SLC25A41: variants seen among roughly 807,000 people sequenced by gnomAD.
SLC25A41 encodes the protein solute carrier family 25 member 41.
A neutral mutation model predicts 34.7 loss-of-function variants in SLC25A41; 35 were observed. The observed-to-expected ratio is 1.01, with a 90% CI of 0.77 to 1.34. SLC25A41 has a LOEUF of 1.34. SLC25A41 is among the 40% of genes most tolerant of loss of function. The probability of loss-of-function intolerance (pLI) is 0.00; values close to 1 mark genes in which losing one functional copy is unlikely to be tolerated. For missense variants in SLC25A41, 492 were observed against 489.8 expected, an observed-to-expected ratio of 1.00 and a Z score of -0.04; for synonymous variants, 190 against 209.9, an observed-to-expected ratio of 0.91 and a Z score of 0.82.
chr19:6,435,755 G>T (rs189222756), upstream of SLC25A41, among the ~76,000 whole-genome samples: 214 of 152,274 alleles, frequency 1.4e-3, 1 homozygote, highest in African/African-American at 4.7e-3. Flanking sequence ...TACTTGGGAG[G>T]CTGAAGGGGG....
chr19:6,429,133 T>TGATATATATATG lies in SLC25A41; in HGVS notation c.624+590_624+591insCATATATATATC, dbSNP rs1568349764. On this transcript the variant is annotated intron_variant, in intron 4 of 6. Transcript: ENST00000321510. ...TAATATATATATTATATATATGTTATATATATATATAATATATATATTATA... is the reference window on the plus strand; with the variant it reads ...TAATATATATATTATATATATGTTATGATATATATATGATATATATATAATATATATATTATA... 1.4e-3 allele frequency among the ~76,000 whole-genome samples: 12 copies of TGATATATATATG among 8,786 alleles called. 2 individuals are homozygous for TGATATATATATG. Among genetic ancestry groups the TGATATATATATG allele is most frequent in the Admixed American group, 2.3e-3 (1 of 428 alleles). The allele number at this position is 8,786 out of a possible 152,430, so 5.8% of individuals were successfully genotyped here.
intron 4 of SLC25A41, 56 bp downstream of exon 4, chr19:6,429,668 C>A: frequency 7.6e-7 from 1 of 1,319,168 alleles, no homozygotes; most frequent in South Asian, 1.4e-5. Context: ...GCCCCAGCAA[C>A]GTGGGTAACT....
chr19:6,433,392 A>G, intron 1 of SLC25A41, 95 bp downstream of exon 1: 1 of 1,258,414 alleles, frequency 7.9e-7, no homozygotes, highest in Middle Eastern at 2.6e-4. Context: ...TAGGTCCGCT[A>G]GCAGGGGAGT....
At chr19:6,430,499 T>A (rs748445524) in intron 2 of SLC25A41, 4 of 449,126 alleles carry the variant, frequency 8.9e-6, no homozygotes, top group Non-Finnish European at 4.2e-6. Flanking sequence ...CTTCTTTTTT[T>A]TTTTTTTTGA....
chr19:6,429,532 G>GGGGAGGAGGA (rs2092274453), intron 4 of SLC25A41, among the ~76,000 whole-genome samples, 192 bp downstream of exon 4: 3 of 125,694 alleles, frequency 2.4e-5, no homozygotes, highest in African/African-American at 5.8e-5. Flanking sequence ...GGAGAAAGGA[G>GGGGAGGAGGA]GAGGAAAGAG....
At position 6,432,037 on chromosome 19, in the gene SLC25A41, A is replaced by G; in HGVS notation, c.363+12T>C. The G allele has an allele frequency of 1.2e-6, 2 of 1,604,794 alleles. No individual in the cohort carries two copies. The highest frequency in any genetic ancestry group is 1.7e-6 in the Non-Finnish European group (2 of 1,175,102). On this transcript the variant is annotated intron_variant, in intron 2 of 6. Coordinates refer to ENST00000321510, the MANE Select transcript of SLC25A41 (RefSeq NM_173637.4). The stretch of plus-strand genomic sequence containing the variant: ...AGCGCTGGGTCCCGTCCTCCCCCCA[A>G]CCCACACAAACCTGCATGTACACCT...
chr19:6,431,021 G>A (rs2092283468), intron 2 of SLC25A41, among the ~76,000 whole-genome samples: 1 of 151,896 alleles, frequency 6.6e-6, no homozygotes, highest in Non-Finnish European at 1.5e-5. Context: ...TTACTATGTT[G>A]CCCAGGCTGG....
At chr19:6,430,958 TG>T (rs912084530) in intron 2 of SLC25A41, among the ~76,000 whole-genome samples, 5 of 151,116 alleles carry the variant, frequency 3.3e-5, no homozygotes, top group African/African-American at 1.2e-4. Flanking sequence ...GGACTACAGG[TG>T]CGTGCTACCA....
chr19:6,436,257 T>A, upstream of SLC25A41: 1 of 343,696 alleles, frequency 2.9e-6, no homozygotes, highest in Non-Finnish European at 6.0e-6. Context: ...TATAAGAGTC[T>A]AAGATTCAGG....
Position 6,432,153 on chromosome 19 carries a change from C to A in SLC25A41, c.259G>T (p.Asp87Tyr), listed in dbSNP as rs370238458. 5 of 1,613,948 alleles carry A rather than the reference C, an allele frequency of 3.1e-6. No homozygotes were observed. Among genetic ancestry groups the A allele is most frequent in the Admixed American group, 1.7e-5 (1 of 59,992 alleles). Residue 87 changes from aspartate (D) to tyrosine (Y), a missense_variant, in exon 2 of 7, where the codon GAT becomes TAT. By Grantham distance (160) the Asp-to-Tyr change is radical (BLOSUM62 -3). Coordinates refer to ENST00000321510, the MANE Select transcript of SLC25A41 (RefSeq NM_173637.4). ...LMVPVEVLEV[D>Y]NKEALWKFLL... ...AACTTCCACAAGGCCTCCTTGTTATCCACTTCCAGGACTTCCACGGGGACC... is the reference window on the plus strand; with the variant it reads ...AACTTCCACAAGGCCTCCTTGTTATACACTTCCAGGACTTCCACGGGGACC...
chr19:6,435,002 C>G (rs1394514340), upstream of SLC25A41, among the ~76,000 whole-genome samples: 1 of 151,898 alleles, frequency 6.6e-6, no homozygotes, highest in Non-Finnish European at 1.5e-5. Flanking sequence ...GCAGGTGGAT[C>G]ACTTGAGCCC....
At chr19:6,428,141 G>A (rs1599253867) in intron 4 of SLC25A41, among the ~76,000 whole-genome samples, 1 of 152,200 alleles carries the variant, frequency 6.6e-6, no homozygotes, top group South Asian at 2.1e-4. Context: ...CCTAGGTCGG[G>A]TGCGGTAGCT....
In SLC25A41 at chr19:6,429,038, TAA is replaced by T. The variant is rs1568349310; in HGVS notation, c.624+684_624+685del. Among the ~76,000 whole-genome samples, 240 of 34,940 alleles carry T rather than the reference TAA, an allele frequency of 6.9e-3. 59 individuals carry two copies. The highest frequency in any genetic ancestry group is 0.041 in the African/African-American group (216 of 5,232). 22.9% of individuals were successfully genotyped at this position (34,940 alleles called of 152,430 possible). On this transcript the variant is annotated intron_variant, in intron 4 of 6. Transcript: ENST00000321510. ...GCCTGAAAATTTATATATATATATA[TAA>T]TATATATATTATATATATGTTATAT...
chr19:6,429,684 C>A, intron 4 of SLC25A41, 40 bp downstream of exon 4: 1 of 1,472,304 alleles, frequency 6.8e-7, no homozygotes, highest in Non-Finnish European at 9.2e-7. Context: ...TAACTAGTTT[C>A]CACGGCGTTT....
chr19:6,436,042 CCAAA>C (rs752203336), upstream of SLC25A41: 157 of 161,374 alleles, frequency 9.7e-4, no homozygotes, highest in East Asian at 0.016. Context: ...AAAACCGAAA[CCAAA>C]CAAACAAACA....
chr19:6,432,667 T>C (rs2092291235), intron 1 of SLC25A41, among the ~76,000 whole-genome samples: 1 of 151,144 alleles, frequency 6.6e-6, no homozygotes, highest in Admixed American at 6.6e-5. Flanking sequence ...CTTGGCTCAC[T>C]GCAACCGCTG....
upstream of SLC25A41, chr19:6,433,858 C>A: frequency 2.0e-6 from 1 of 500,970 alleles, no homozygotes; most frequent in Non-Finnish European, 3.5e-6. Context: ...GTGATGGCCC[C>A]CTTCCCCCAA....
intron 6 of SLC25A41, 122 bp from the exon 7 acceptor site, chr19:6,426,683 G>T: frequency 1.0e-6 from 1 of 975,286 alleles, no homozygotes; most frequent in Non-Finnish European, 1.5e-6. Context: ...TAGGAAAACA[G>T]TTTGAAGAGT....
Position 6,427,353 on chromosome 19 carries a change from G to C in SLC25A41, c.773C>G (p.Thr258Ser), listed in dbSNP as rs11883242. The change falls in exon 5 of 7, where the codon ACC becomes AGC. Residue 258 changes from threonine to serine, a missense_variant. Transcript: ENST00000321510. This position sits in a 1 kb window ranked among gnomAD's most constrained non-coding sequence, Gnocchi z 4.9. ...CCATACCTCATAGACAGCCAGGTCG[G>C]TGCAGGCATAGGGGATGATGCCGAG... ...NMLGIIPYACTDLAVYEMLQC... is the reference protein window; with the variant it reads ...NMLGIIPYACSDLAVYEMLQC... 1.3e-3 allele frequency: 2,153 copies of C among 1,608,782 alleles called. 23 individuals are homozygous for C. The African/African-American group carries it at 0.025, about 19-fold the overall frequency.
Sources: gnomAD v4.1 joint callset for allele counts (sites outside exome capture counted in the v4.1 genomes callset) on GRCh38, gnomAD v4.1.1 for gene constraint, Gnocchi (gnomAD v3.1) non-coding constraint, MANE v1.5 for transcripts, NCBI Gene and HGNC (gene_info 2026-07-23, HGNC 2026-07-21) for gene names.